Variants in PPARGC1A observed in about 807,000 individuals in gnomAD.
PPARGC1A encodes peroxisome proliferator-activated receptor gamma coactivator 1-alpha.
PPARGC1A carries 25 observed loss-of-function variants against 88.7 expected under a neutral mutation model. That is an observed-to-expected ratio of 0.28 (90% CI 0.21 to 0.39). The LOEUF (loss-of-function observed/expected upper bound fraction) is 0.39. Ranked by LOEUF, PPARGC1A falls within the 10% of genes least tolerant of loss-of-function variation. The pLI is 1.00. For synonymous variants in PPARGC1A, 363 were observed against 355.6 expected, an observed-to-expected ratio of 1.02 and a Z score of -0.24; for missense variants, 880 against 968.7, an observed-to-expected ratio of 0.91 and a Z score of 1.22.
At chr4:23,920,820 G>A in the PPARGC1A span, among the ~76,000 whole-genome samples, 2 of 152,214 alleles carry the variant, frequency 1.3e-5, no homozygotes, top group African/African-American at 4.8e-5. Flanking sequence ...AGCCAGGACA[G>A]ACTCAGGTTC....
the PPARGC1A span, among the ~76,000 whole-genome samples, chr4:23,986,642 G>C: frequency 2.6e-5 from 4 of 152,038 alleles, no homozygotes; most frequent in Non-Finnish European, 4.4e-5. Flanking sequence ...ATAACAGTTG[G>C]TAGCAGCCTC....
At chr4:23,832,397 A>G (rs1725170879) in intron 2 of PPARGC1A, among the ~76,000 whole-genome samples, 1 of 151,904 alleles carries the variant, frequency 6.6e-6, no homozygotes, top group Admixed American at 6.6e-5. Context: ...CCAAAACCCA[A>G]ACTCTATACC....
chr4:23,885,137 T>C (rs922958194), intron 1 of PPARGC1A, among the ~76,000 whole-genome samples: 2 of 152,192 alleles, frequency 1.3e-5, no homozygotes, highest in African/African-American at 4.8e-5. Flanking sequence ...CTTTATTCCA[T>C]CCAAAAGCTA....
At chr4:24,247,018 T>C in the PPARGC1A span, among the ~76,000 whole-genome samples, 4 of 152,232 alleles carry the variant, frequency 2.6e-5, no homozygotes. Context: ...TCCAACAGTA[T>C]TTTCAGGTAA....
At chr4:24,045,516 C>T in the PPARGC1A span, among the ~76,000 whole-genome samples, 1 of 152,134 alleles carries the variant, frequency 6.6e-6, no homozygotes, top group Non-Finnish European at 1.5e-5. Flanking sequence ...GAGAAATCCT[C>T]TATGGCCTCT....
the PPARGC1A span, among the ~76,000 whole-genome samples, chr4:24,378,871 G>A: frequency 1.3e-5 from 2 of 152,062 alleles, no homozygotes; most frequent in Non-Finnish European, 1.5e-5. Flanking sequence ...GCAAAGATTA[G>A]GTTTCTTAAA....
At chr4:24,297,214 G>C in the PPARGC1A span, among the ~76,000 whole-genome samples, 2 of 152,112 alleles carry the variant, frequency 1.3e-5, no homozygotes, top group African/African-American at 2.4e-5. Flanking sequence ...CATGAGGTAG[G>C]CATCACAACC....
chr4:24,183,958 A>C, the PPARGC1A span, among the ~76,000 whole-genome samples: 1 of 152,244 alleles, frequency 6.6e-6, no homozygotes, highest in Admixed American at 6.5e-5. Flanking sequence ...CTTTCAAAAA[A>C]GTAAAACAAA....
the PPARGC1A span, among the ~76,000 whole-genome samples, chr4:24,299,217 C>A: frequency 6.6e-6 from 1 of 152,166 alleles, no homozygotes; most frequent in African/African-American, 2.4e-5. Context: ...ATTTTAAATT[C>A]AGTCACTGAT....
chr4:24,130,730 A>C, the PPARGC1A span, among the ~76,000 whole-genome samples: 1 of 152,118 alleles, frequency 6.6e-6, no homozygotes, highest in Non-Finnish European at 1.5e-5. Context: ...GGAAGTAGAA[A>C]GTTCTAACAT....
chr4:24,055,994 G>T, the PPARGC1A span, among the ~76,000 whole-genome samples: 1 of 152,184 alleles, frequency 6.6e-6, no homozygotes, highest in African/African-American at 2.4e-5. Flanking sequence ...TGTTTGGTTT[G>T]TTCTTACTCT....
At chr4:23,955,182 G>C in the PPARGC1A span, among the ~76,000 whole-genome samples, 1 of 151,966 alleles carries the variant, frequency 6.6e-6, no homozygotes, top group African/African-American at 2.4e-5. Flanking sequence ...CAAAACAGAA[G>C]AATATCCATA....
the PPARGC1A span, among the ~76,000 whole-genome samples, chr4:24,422,546 C>G: frequency 1.3e-5 from 2 of 151,866 alleles, no homozygotes; most frequent in Non-Finnish European, 2.9e-5. Context: ...AGTAAGCCTT[C>G]CCTTATTAAC....
intron 7 of PPARGC1A, among the ~76,000 whole-genome samples, chr4:23,817,420 G>C (rs1722183412): frequency 6.6e-6 from 1 of 152,084 alleles, no homozygotes; most frequent in African/African-American, 2.4e-5. Context: ...ACTATGTGCT[G>C]GATATGACAC....
At chr4:24,233,440 G>A in the PPARGC1A span, among the ~76,000 whole-genome samples, 19 of 151,706 alleles carry the variant, frequency 1.3e-4, no homozygotes, top group East Asian at 7.8e-4. Context: ...CTAAGACACC[G>A]TCCCATTGAA....
intron 2 of PPARGC1A, among the ~76,000 whole-genome samples, chr4:23,863,072 C>G (rs941018602): frequency 1.1e-4 from 16 of 152,130 alleles, no homozygotes; most frequent in African/African-American, 3.9e-4. Context: ...GAAACCACAG[C>G]CATTTTTCCT....
At chr4:24,417,727 T>C in the PPARGC1A span, among the ~76,000 whole-genome samples, 1 of 152,192 alleles carries the variant, frequency 6.6e-6, no homozygotes, top group Admixed American at 6.5e-5. Context: ...CACATAAAGA[T>C]GTATACATTA....
At chr4:24,378,293 T>C in the PPARGC1A span, among the ~76,000 whole-genome samples, 1 of 152,158 alleles carries the variant, frequency 6.6e-6, no homozygotes, top group African/African-American at 2.4e-5. Flanking sequence ...GCAGAGATCA[T>C]GCCACTGCAC....
At chr4:24,223,375 G>A in the PPARGC1A span, among the ~76,000 whole-genome samples, 3 of 150,730 alleles carry the variant, frequency 2.0e-5, no homozygotes, top group African/African-American at 7.3e-5. Flanking sequence ...TCAGTCTCCC[G>A]AGTAGCTGGG....
Sources: allele counts gnomAD v4.1 joint callset (sites outside exome capture counted in the v4.1 genomes callset), GRCh38; gene constraint gnomAD v4.1.1; transcripts MANE v1.5; gene names NCBI Gene and HGNC (gene_info 2026-07-23, HGNC 2026-07-21).